FAT3: variants seen among roughly 807,000 people sequenced by gnomAD.
FAT3 encodes FAT atypical cadherin 3, also known as protocadherin Fat 3.
In FAT3, 95 loss-of-function variants were observed where a neutral mutation model predicts 310.2. The observed-to-expected ratio is 0.31, with a 90% CI of 0.26 to 0.36. The LOEUF (loss-of-function observed/expected upper bound fraction) is 0.36. FAT3 is among the 10% of genes least tolerant of loss of function. The pLI is 1.00. For synonymous variants in FAT3, 2,314 were observed against 2,192.9 expected, an observed-to-expected ratio of 1.06 and a Z score of -1.54; for missense variants, 5,408 against 5,715.6, an observed-to-expected ratio of 0.95 and a Z score of 1.74.
chr11:92,585,634 T>C (rs1201068613), intron 3 of FAT3, among the ~76,000 whole-genome samples: 1 of 151,990 alleles, frequency 6.6e-6, no homozygotes, highest in African/African-American at 2.4e-5. Flanking sequence ...TGATTGTTGT[T>C]TTAAGATGGA....
intron 1 of FAT3, among the ~76,000 whole-genome samples, chr11:92,271,055 C>A (rs1219015927): frequency 1.3e-5 from 2 of 152,018 alleles, no homozygotes; most frequent in African/African-American, 4.8e-5. Context: ...AGGATCTCTC[C>A]CTTGTGTTCC....
intron 2 of FAT3, chr11:92,406,769 A>T (rs1440700094): frequency 6.6e-6 from 1 of 152,188 alleles, no homozygotes; most frequent in Non-Finnish European, 1.5e-5. Flanking sequence ...AAATCATACT[A>T]GTTACCCAAT....
At chr11:92,241,335 A>C (rs1216910292) in intron 1 of FAT3, among the ~76,000 whole-genome samples, 1 of 152,108 alleles carries the variant, frequency 6.6e-6, no homozygotes, top group Non-Finnish European at 1.5e-5. Flanking sequence ...CAGGCACCTC[A>C]GCAAATGGAG....
chr11:92,278,755 A>G (rs1238277957), intron 1 of FAT3, among the ~76,000 whole-genome samples: 1 of 152,178 alleles, frequency 6.6e-6, no homozygotes, highest in Non-Finnish European at 1.5e-5. Context: ...TTAATTTGGA[A>G]CATGCAGCAA....
chr11:92,398,552 A>G lies in FAT3; in HGVS notation c.3292+43148A>G, dbSNP rs1949939390. ...ATCTTTTTATAAGGACACAAGTCAT[A>G]TTGAATTGGAGCCCACCCTATTAAT... is the stretch of plus-strand genomic sequence containing the variant. On this transcript the variant is annotated intron_variant, in intron 2 of 27. Transcript: ENST00000525166. 2.0e-5 allele frequency among the ~76,000 whole-genome samples: 3 copies of G among 150,938 alleles called. No homozygotes were observed. In the South Asian group the frequency reaches 6.3e-4, roughly 32 times the overall value.
At chr11:92,549,877 G>A (rs1178905003) in intron 3 of FAT3, among the ~76,000 whole-genome samples, 2 of 152,084 alleles carry the variant, frequency 1.3e-5, no homozygotes, top group South Asian at 2.1e-4. Context: ...TAATAGGAAC[G>A]CTTTACATAT....
chr11:92,880,688 T>C (rs2136396654), intron 22 of FAT3, 43 bp from the exon 23 acceptor site: 1 of 1,595,124 alleles, frequency 6.3e-7, no homozygotes, highest in Non-Finnish European at 8.5e-7. Context: ...CACTCAGCCC[T>C]AGCAGTGGCA....
chr11:92,710,368 G>A (rs1000847578), intron 4 of FAT3, among the ~76,000 whole-genome samples: 1 of 152,126 alleles, frequency 6.6e-6, no homozygotes, highest in African/African-American at 2.4e-5. Context: ...CATTCTTCTT[G>A]TCACTGCAAA....
intron 3 of FAT3, among the ~76,000 whole-genome samples, chr11:92,607,901 C>T (rs980006333): frequency 6.6e-6 from 1 of 152,148 alleles, no homozygotes; most frequent in East Asian, 1.9e-4. Context: ...TTTCCAATTT[C>T]CTTTGTCCCG....
intron 3 of FAT3, among the ~76,000 whole-genome samples, chr11:92,622,145 G>A (rs1035925401): frequency 6.6e-6 from 1 of 151,998 alleles, no homozygotes; most frequent in Non-Finnish European, 1.5e-5. Flanking sequence ...AATTATCCAG[G>A]CATGGTGGTG....
intron 1 of FAT3, among the ~76,000 whole-genome samples, chr11:92,295,319 T>C (rs1946821993): frequency 1.3e-5 from 2 of 152,132 alleles, no homozygotes; most frequent in South Asian, 2.1e-4. Flanking sequence ...TGGAAGAGGT[T>C]TCTAAGACTG....
intron 1 of FAT3, among the ~76,000 whole-genome samples, chr11:92,253,413 T>C (rs544153284): frequency 1.3e-5 from 2 of 152,250 alleles, no homozygotes; most frequent in East Asian, 3.9e-4. Flanking sequence ...CCTCTTCTTT[T>C]TGGAGGTTCT....
chr11:92,869,413 T>C (rs1164141288), intron 22 of FAT3, among the ~76,000 whole-genome samples: 2 of 152,212 alleles, frequency 1.3e-5, no homozygotes, highest in Non-Finnish European at 2.9e-5. Context: ...CACCAGGAGA[T>C]CCAAGAAATC....
chr11:92,666,005 TA>T (rs550449645), intron 3 of FAT3, among the ~76,000 whole-genome samples: 6 of 152,178 alleles, frequency 3.9e-5, no homozygotes, highest in African/African-American at 1.4e-4. Context: ...ACCACATCTC[TA>T]AAAAATTTTT....
At chr11:92,860,868 A>G (rs1004212343) in intron 21 of FAT3, among the ~76,000 whole-genome samples, 4 of 152,332 alleles carry the variant, frequency 2.6e-5, no homozygotes, top group East Asian at 1.9e-4. Context: ...CAGGGAGTCG[A>G]AGTTTAAAAG....
intron 2 of FAT3, among the ~76,000 whole-genome samples, chr11:92,511,053 A>T (rs560073145): frequency 3.7e-4 from 57 of 152,346 alleles, no homozygotes; most frequent in Non-Finnish European, 6.0e-4. Flanking sequence ...TGCAGTGTGT[A>T]CCTGTGGGCA....
chr11:92,605,245 T>A (rs546629466), intron 3 of FAT3, among the ~76,000 whole-genome samples: 48 of 152,304 alleles, frequency 3.2e-4, no homozygotes, highest in African/African-American at 1.1e-3. Flanking sequence ...TGTGCAAGTG[T>A]CAAACGCAAC....
intron 9 of FAT3, among the ~76,000 whole-genome samples, chr11:92,797,023 A>G (rs1284538144): frequency 1.3e-5 from 2 of 152,200 alleles, no homozygotes; most frequent in Non-Finnish European, 2.9e-5. Context: ...GTTTCTTGGT[A>G]CACTAGAAAC....
intron 3 of FAT3, among the ~76,000 whole-genome samples, chr11:92,649,106 G>A (rs1307075638): frequency 3.3e-5 from 5 of 152,114 alleles, no homozygotes; most frequent in Non-Finnish European, 4.4e-5. Context: ...GAAAAGTGTC[G>A]GGGCACGTGA....
Sources: allele counts gnomAD v4.1 joint callset (sites outside exome capture counted in the v4.1 genomes callset), GRCh38; gene constraint gnomAD v4.1.1; transcripts MANE v1.5; gene names NCBI Gene and HGNC (gene_info 2026-07-23, HGNC 2026-07-21).